PPARGC1A: variants seen among roughly 807,000 people sequenced by gnomAD.
The protein encoded by PPARGC1A is PPARG coactivator 1 alpha, also known as peroxisome proliferator-activated receptor gamma coactivator 1-alpha.
A neutral mutation model predicts 88.7 loss-of-function variants in PPARGC1A; 25 were observed. The ratio of observed to expected loss-of-function variants is 0.28; its 90% CI spans 0.21 to 0.39. PPARGC1A has a LOEUF of 0.39. PPARGC1A is among the 10% of genes least tolerant of loss of function. PPARGC1A has a pLI of 1.00. For missense variants in PPARGC1A, 880 were observed against 968.7 expected (o/e 0.91, Z 1.22); for synonymous variants, 363 against 355.6 (o/e 1.02, Z -0.24).
chr4:24,467,038 G>GAA, the PPARGC1A span, among the ~76,000 whole-genome samples: 126 of 109,578 alleles, frequency 1.1e-3, no homozygotes, highest in Non-Finnish European at 2.0e-3. Context: ...AAGAGAAAGA[G>GAA]AGAGAGAGAG....
chr4:24,382,817 A>T, the PPARGC1A span, among the ~76,000 whole-genome samples: 1 of 152,224 alleles, frequency 6.6e-6, no homozygotes, highest in African/African-American at 2.4e-5. Flanking sequence ...CAGCTTCGGC[A>T]GACTTAAACG....
the PPARGC1A span, among the ~76,000 whole-genome samples, chr4:23,992,183 C>T: frequency 3.3e-5 from 5 of 151,952 alleles, no homozygotes; most frequent in South Asian, 1.0e-3. Context: ...AACTCTCAGT[C>T]ATTCCATTTA....
At chr4:24,369,479 T>C in the PPARGC1A span, among the ~76,000 whole-genome samples, 7 of 152,144 alleles carry the variant, frequency 4.6e-5, no homozygotes, top group Non-Finnish European at 8.8e-5. Context: ...TTCCAATCAC[T>C]ATCTCATTTG....
At chr4:24,017,631 T>C in the PPARGC1A span, among the ~76,000 whole-genome samples, 211 of 152,278 alleles carry the variant, frequency 1.4e-3, no homozygotes, top group Middle Eastern at 3.4e-3. Flanking sequence ...TCTAAATTTG[T>C]ACTTAGAATA....
intron 2 of PPARGC1A, among the ~76,000 whole-genome samples, chr4:23,869,245 G>T (rs1712737160): frequency 6.6e-6 from 1 of 152,114 alleles, no homozygotes; most frequent in South Asian, 2.1e-4. Flanking sequence ...ACAAGGGGAA[G>T]AATTACTCCT....
chr4:24,336,086 CT>C, the PPARGC1A span, among the ~76,000 whole-genome samples: 2 of 148,952 alleles, frequency 1.3e-5, no homozygotes, highest in Admixed American at 6.6e-5. Flanking sequence ...TTAATTTTTT[CT>C]GTTTTCCACA....
the PPARGC1A span, among the ~76,000 whole-genome samples, chr4:23,992,744 T>G: frequency 6.6e-6 from 1 of 152,142 alleles, no homozygotes; most frequent in Non-Finnish European, 1.5e-5. Flanking sequence ...CAATTCCCTT[T>G]GCAGCTTTTC....
the PPARGC1A span, among the ~76,000 whole-genome samples, chr4:24,080,665 T>A: frequency 6.6e-6 from 1 of 152,154 alleles, no homozygotes; most frequent in Non-Finnish European, 1.5e-5. Flanking sequence ...CCAGTCACTT[T>A]GCCAAGGGAT....
the PPARGC1A span, among the ~76,000 whole-genome samples, chr4:24,445,052 CA>C: frequency 6.7e-6 from 1 of 149,898 alleles, no homozygotes; most frequent in South Asian, 2.1e-4. Context: ...GACCCTGTCT[CA>C]AAAAAAAAGA....
chr4:24,163,868 T>C, the PPARGC1A span, among the ~76,000 whole-genome samples: 27 of 152,196 alleles, frequency 1.8e-4, no homozygotes, highest in African/African-American at 4.8e-4. Flanking sequence ...GGGAGCTTTT[T>C]CCAAACCAAT....
the PPARGC1A span, among the ~76,000 whole-genome samples, chr4:24,384,720 C>T: frequency 6.6e-6 from 1 of 152,106 alleles, no homozygotes; most frequent in South Asian, 2.1e-4. Context: ...GCACCCAATA[C>T]AGGAGCACCC....
the PPARGC1A span, among the ~76,000 whole-genome samples, chr4:24,205,520 A>G: frequency 6.6e-6 from 1 of 152,220 alleles, no homozygotes. Context: ...TATAATATAC[A>G]TATATTTAGC....
the PPARGC1A span, among the ~76,000 whole-genome samples, chr4:24,405,335 T>C: frequency 2.6e-5 from 4 of 152,150 alleles, no homozygotes; most frequent in African/African-American, 9.7e-5. Context: ...CAAAAAGTTT[T>C]TCCAACAAAA....
At chr4:24,266,818 A>G in the PPARGC1A span, among the ~76,000 whole-genome samples, 1 of 152,162 alleles carries the variant, frequency 6.6e-6, no homozygotes, top group South Asian at 2.1e-4. Flanking sequence ...ACTACCAGCT[A>G]ACTCAGCTTT....
the PPARGC1A span, among the ~76,000 whole-genome samples, chr4:24,139,998 G>A: frequency 6.6e-6 from 1 of 152,186 alleles, no homozygotes; most frequent in Non-Finnish European, 1.5e-5. Flanking sequence ...CTCCTTCCCT[G>A]TGACAAATGG....
At chr4:24,015,257 G>A in the PPARGC1A span, among the ~76,000 whole-genome samples, 2 of 151,876 alleles carry the variant, frequency 1.3e-5, no homozygotes, top group African/African-American at 4.8e-5. Context: ...ATAGGAATAG[G>A]TATAGATGAG....
At chr4:24,429,799 C>T in the PPARGC1A span, among the ~76,000 whole-genome samples, 4 of 151,930 alleles carry the variant, frequency 2.6e-5, no homozygotes, top group African/African-American at 9.7e-5. Flanking sequence ...TCACAGGCAC[C>T]CGCCACCAGG....
At chr4:24,329,333 C>A in the PPARGC1A span, among the ~76,000 whole-genome samples, 1 of 151,922 alleles carries the variant, frequency 6.6e-6, no homozygotes, top group Non-Finnish European at 1.5e-5. Context: ...TTCCAGTGAA[C>A]CCCATTGCCC....
the PPARGC1A span, among the ~76,000 whole-genome samples, chr4:24,135,886 C>A: frequency 6.6e-6 from 1 of 152,092 alleles, no homozygotes; most frequent in Non-Finnish European, 1.5e-5. Context: ...ATGGGAGTAA[C>A]CGGAATGCGT....
Sources: gnomAD v4.1 joint callset for allele counts (sites outside exome capture counted in the v4.1 genomes callset) on GRCh38, gnomAD v4.1.1 for gene constraint, MANE v1.5 for transcripts, NCBI Gene and HGNC (gene_info 2026-07-23, HGNC 2026-07-21) for gene names.